USP12: variants seen among roughly 807,000 people sequenced by gnomAD.
USP12 encodes ubiquitin specific peptidase 12.
In USP12, 19 loss-of-function variants were observed where a neutral mutation model predicts 45.5. The ratio of observed to expected loss-of-function variants is 0.42; its 90% CI spans 0.29 to 0.61. USP12 has a LOEUF of 0.61. Among genes scored for constraint, USP12 ranks in the 20% least tolerant of loss-of-function variants. The probability of loss-of-function intolerance (pLI) is 0.22; values close to 1 mark genes in which losing one functional copy is unlikely to be tolerated. For missense variants in USP12, 242 were observed against 447.7 expected (o/e 0.54, Z 4.15); for synonymous variants, 149 against 148.8 (o/e 1.00, Z -0.01).
intron 1 of USP12, among the ~76,000 whole-genome samples, chr13:27,119,719 A>G (rs1036811645): frequency 3.3e-5 from 5 of 152,220 alleles, no homozygotes; most frequent in East Asian, 1.9e-4. Flanking sequence ...GACAACCAAT[A>G]TATGCCAAGC....
chr13:27,170,983 G>T (rs1454193131), intron 1 of USP12, among the ~76,000 whole-genome samples: 1 of 152,172 alleles, frequency 6.6e-6, no homozygotes, highest in Non-Finnish European at 1.5e-5. Context: ...TCGGGGACTC[G>T]GCCCAGCCAG....
rs770889159 is a variant in USP12, at chr13:27,089,871, C to T, written c.734+12G>A. On this transcript the variant is annotated intron_variant, in intron 6 of 8. Coordinates refer to ENST00000282344, the MANE Select transcript of USP12 (RefSeq NM_182488.4). ...TAAAATCACTTAAAAATCCATAAAG[C>T]TCTAAAATTACCGTTTGTGTGCTTC... 1.2e-6 allele frequency: 2 copies of T among 1,608,874 alleles called. No homozygotes were observed. The highest frequency in any genetic ancestry group is 2.2e-5 in the South Asian group (2 of 90,466).
intron 6 of USP12, 97 bp downstream of exon 6, chr13:27,089,786 T>G (rs544013738): frequency 4.3e-6 from 5 of 1,159,284 alleles, no homozygotes; most frequent in Non-Finnish European, 6.2e-6. Flanking sequence ...GAATTTTTAC[T>G]CAATGTAAAT....
chr13:27,140,442 T>C (rs1309641824), intron 1 of USP12, among the ~76,000 whole-genome samples: 3 of 152,198 alleles, frequency 2.0e-5, no homozygotes, highest in Non-Finnish European at 4.4e-5. Context: ...ATAAGGAATA[T>C]TAAGCAAAGA....
chr13:27,155,215 G>A (rs1028329486), intron 1 of USP12, among the ~76,000 whole-genome samples: 3 of 151,568 alleles, frequency 2.0e-5, no homozygotes, highest in African/African-American at 7.3e-5. Context: ...CCAAGTAGCT[G>A]GGACTACAGG....
chr13:27,120,406 A>C (rs1330660992), intron 1 of USP12, among the ~76,000 whole-genome samples: 1 of 152,158 alleles, frequency 6.6e-6, no homozygotes, highest in Non-Finnish European at 1.5e-5. Context: ...TAATCCCAAC[A>C]CTTTGAGACG....
chr13:27,075,116 TTCATGAACATCTTGAATGTACCCTGC>T, intron 7 of USP12, 49 bp downstream of exon 7: 2 of 1,431,566 alleles, frequency 1.4e-6, no homozygotes, highest in Non-Finnish European at 1.9e-6. Flanking sequence ...ATATGAATAA[TTCATGAACATCTTGAATGTACCCTGC>T]TCTTCTAACC....
intron 3 of USP12, among the ~76,000 whole-genome samples, chr13:27,097,734 A>T (rs1277047074): frequency 6.6e-6 from 1 of 152,234 alleles, no homozygotes; most frequent in Admixed American, 6.5e-5. Flanking sequence ...AAAAGTGCTT[A>T]GAATACAACA....
chr13:27,109,247 A>AACAGAGTGAACAGAC (rs1166379120), intron 2 of USP12, among the ~76,000 whole-genome samples: 47 of 152,346 alleles, frequency 3.1e-4, no homozygotes, highest in African/African-American at 1.1e-3. Flanking sequence ...GGATGTTTAA[A>AACAGAGTGAACAGAC]ACAGAGTGAA....
chr13:27,067,584 G>GT lies in USP12; in HGVS notation c.*1698dup. 6.6e-6 allele frequency: 1 copy of GT among 152,252 alleles called. No individual in the cohort carries two copies. The highest frequency in any genetic ancestry group is 1.9e-4 in the East Asian group (1 of 5,190). 9.4% of individuals were successfully genotyped at this position (152,252 alleles called of 1,614,324 possible). A position where few individuals can be genotyped will look rare whatever the true frequency, so the allele number is the denominator to read the frequency against. On this transcript the variant is annotated 3_prime_UTR_variant, in exon 9 of 9. Transcript: ENST00000282344. ...TTAAGCAGCCCAATTAAGTGACTCT[G>GT]TTAAAGGTCTGCTTATGGAAAAAAT...
intron 1 of USP12, among the ~76,000 whole-genome samples, chr13:27,117,444 C>T (rs1875795569): frequency 6.6e-6 from 1 of 152,016 alleles, no homozygotes; most frequent in African/African-American, 2.4e-5. Context: ...ATGATTGCAG[C>T]TGACAGCAGT....
At chr13:27,097,434 C>T (rs1190265204) in intron 3 of USP12, among the ~76,000 whole-genome samples, 1 of 152,212 alleles carries the variant, frequency 6.6e-6, no homozygotes, top group Non-Finnish European at 1.5e-5. Flanking sequence ...CATTGCACTC[C>T]AGCCTGGGCA....
chr13:27,086,187 A>ATATATATATATAT (rs1289444305), intron 6 of USP12, among the ~76,000 whole-genome samples: 56 of 72,850 alleles, frequency 7.7e-4, no homozygotes, highest in Middle Eastern at 6.8e-3. Context: ...AAAAAAAAAA[A>ATATATATATATAT]AAAAAAAAAA....
intron 6 of USP12, among the ~76,000 whole-genome samples, chr13:27,083,401 A>C (rs1873853848): frequency 6.6e-6 from 1 of 152,054 alleles, no homozygotes; most frequent in South Asian, 2.1e-4. Context: ...TGTGAAGTGA[A>C]ATGCAATGTT....
chr13:27,099,943 CA>C (rs1874788198), intron 3 of USP12, among the ~76,000 whole-genome samples: 2 of 152,272 alleles, frequency 1.3e-5, no homozygotes, highest in Middle Eastern at 3.4e-3. Flanking sequence ...GAATTTGGTA[CA>C]CTGTGTGTGG....
chr13:27,076,740 A>G (rs1228302844), intron 6 of USP12, among the ~76,000 whole-genome samples: 5 of 152,126 alleles, frequency 3.3e-5, no homozygotes, highest in South Asian at 4.1e-4. Context: ...ACTGCCTCTA[A>G]TAAGTGAAAA....
chr13:27,085,497 G>T (rs564400789), intron 6 of USP12, among the ~76,000 whole-genome samples: 9 of 152,026 alleles, frequency 5.9e-5, no homozygotes, highest in African/African-American at 1.7e-4. Context: ...TTGATTTTTG[G>T]TTTTTTACTA....
intron 1 of USP12, among the ~76,000 whole-genome samples, chr13:27,164,582 T>TA (rs1243105920): frequency 2.0e-5 from 3 of 150,680 alleles, no homozygotes; most frequent in Non-Finnish European, 1.5e-5. Context: ...AGCAAAGACT[T>TA]ACTAGTTTTT....
chr13:27,100,936 T>C (rs1593184029), intron 3 of USP12, among the ~76,000 whole-genome samples: 2 of 152,374 alleles, frequency 1.3e-5, no homozygotes, highest in South Asian at 4.1e-4. Context: ...AGTAGCCTAA[T>C]TTCTCCCTGT....
Sources: gnomAD v4.1 joint callset for allele counts (sites outside exome capture counted in the v4.1 genomes callset) on GRCh38, gnomAD v4.1.1 for gene constraint, MANE v1.5 for transcripts, NCBI Gene and HGNC (gene_info 2026-07-23, HGNC 2026-07-21) for gene names.